DENND1B: variants seen among roughly 807,000 people sequenced by gnomAD.
DENND1B encodes the protein DENN domain containing 1B.
Under a neutral mutation model 90.1 loss-of-function variants are expected in DENND1B, and 59 were observed. That is an observed-to-expected ratio of 0.65 (90% CI 0.53 to 0.81). The LOEUF (loss-of-function observed/expected upper bound fraction) is 0.81. DENND1B is among the 40% of genes least tolerant of loss of function. The pLI is 0.00. For missense variants in DENND1B, 862 were observed against 912.6 expected, an observed-to-expected ratio of 0.94 and a Z score of 0.71; for synonymous variants, 337 against 324.6, an observed-to-expected ratio of 1.04 and a Z score of -0.41.
chr1:197,582,219 T>C (rs1000133391), intron 15 of DENND1B, among the ~76,000 whole-genome samples: 71 of 152,166 alleles, frequency 4.7e-4, no homozygotes, highest in Admixed American at 1.6e-3. Flanking sequence ...TTTTTTAAAA[T>C]TTCCTCAGAA....
intron 3 of DENND1B, among the ~76,000 whole-genome samples, chr1:197,682,051 C>A (rs575631643): frequency 6.6e-6 from 1 of 150,862 alleles, no homozygotes; most frequent in Non-Finnish European, 1.5e-5. Flanking sequence ...ATAGTAAATC[C>A]TGTGATAAAC....
At position 197,595,316 on chromosome 1, in the gene DENND1B, A is replaced by G; in HGVS notation, c.939T>C (p.Asn313=). The change falls in exon 14 of 23, where the codon AAT becomes AAC. Residue 313 remains asparagine, a synonymous_variant. Coordinates refer to ENST00000620048, the MANE Select transcript of DENND1B (RefSeq NM_001195215.2). ...LPSDVVSALK[N]KLKKQSTATG... ...TAGCTGTAGACTGCTTCTTCAGTTT[A>G]TTTTTCAAGGCCGAGACCTGCATGA... 1 of 1,612,848 alleles carries G rather than the reference A, an allele frequency of 6.2e-7. No homozygotes were observed. The highest frequency in any genetic ancestry group is 2.2e-5 in the East Asian group (1 of 44,834).
chr1:197,518,612 T>G (rs1668563483), intron 20 of DENND1B, among the ~76,000 whole-genome samples: 1 of 151,934 alleles, frequency 6.6e-6, no homozygotes. Context: ...GCAGAGACTA[T>G]ATAGGCTCAA....
intron 15 of DENND1B, among the ~76,000 whole-genome samples, chr1:197,565,250 T>G (rs1276600749): frequency 6.6e-6 from 1 of 151,988 alleles, no homozygotes; most frequent in East Asian, 1.9e-4. Context: ...AATCTGTAGC[T>G]AACATAAAAG....
At chr1:197,744,715 G>A (rs1158758825) in intron 2 of DENND1B, among the ~76,000 whole-genome samples, 1 of 152,194 alleles carries the variant, frequency 6.6e-6, no homozygotes, top group Non-Finnish European at 1.5e-5. Context: ...CCCATAACAA[G>A]AGTCAGCCTG....
At chr1:197,731,746 T>C (rs537075322) in intron 2 of DENND1B, among the ~76,000 whole-genome samples, 11 of 152,168 alleles carry the variant, frequency 7.2e-5, no homozygotes, top group Non-Finnish European at 1.3e-4. Context: ...TAAGAAAGTT[T>C]ATGAATTTTT....
rs1434162902 is a variant in DENND1B, at chr1:197,507,289, C to CA, written c.*3170dup. The CA allele has an allele frequency of 6.6e-6, 1 of 150,800 alleles. No homozygotes were observed. The highest frequency in any genetic ancestry group is 2.4e-5 in the African/African-American group (1 of 41,198). 9.3% of individuals were successfully genotyped at this position (150,800 alleles called of 1,614,324 possible). A position where few individuals can be genotyped will look rare whatever the true frequency, so the allele number is the denominator to read the frequency against. The stretch of plus-strand genomic sequence containing the variant: ...CCATATCCTCAGTTACTGTACCCTG[C>CA]ATATGACTGGTACAAAAAGTCAATG... On this transcript the variant is annotated 3_prime_UTR_variant, in exon 23 of 23. Coordinates refer to ENST00000620048, the MANE Select transcript of DENND1B (RefSeq NM_001195215.2).
chr1:197,657,460 T>TA (rs1653959630), intron 6 of DENND1B, among the ~76,000 whole-genome samples: 1 of 152,088 alleles, frequency 6.6e-6, no homozygotes, highest in Non-Finnish European at 1.5e-5. Flanking sequence ...AAAGAAGCTA[T>TA]AAAAATGGCA....
intron 4 of DENND1B, 36 bp from the exon 5 acceptor site, chr1:197,672,192 G>GT: frequency 5.2e-6 from 8 of 1,547,282 alleles, no homozygotes; most frequent in Non-Finnish European, 7.0e-6. Flanking sequence ...ATTGTGCCTT[G>GT]TTTGACAATT....
At chr1:197,639,260 C>T (rs751911920) in intron 10 of DENND1B, among the ~76,000 whole-genome samples, 3 of 151,918 alleles carry the variant, frequency 2.0e-5, no homozygotes, top group African/African-American at 4.8e-5. Flanking sequence ...GATGGGGTTT[C>T]GCTATGTTGG....
chr1:197,626,490 C>G (rs938271114), intron 10 of DENND1B, among the ~76,000 whole-genome samples: 5 of 152,230 alleles, frequency 3.3e-5, no homozygotes, highest in African/African-American at 4.8e-5. Flanking sequence ...AGAACAAAGA[C>G]ACAACATACC....
intron 2 of DENND1B, among the ~76,000 whole-genome samples, chr1:197,769,184 T>C (rs1434701569): frequency 6.6e-6 from 1 of 152,158 alleles, no homozygotes; most frequent in African/African-American, 2.4e-5. Context: ...CAACAAAAAA[T>C]TATATATTCT....
intron 2 of DENND1B, chr1:197,733,917 T>C (rs1397330472): frequency 4.0e-6 from 1 of 253,122 alleles, no homozygotes; most frequent in Non-Finnish European, 6.2e-6. Context: ...CCTTCCTCTA[T>C]ACGTGCTCTT....
At chr1:197,612,852 T>C (rs994291226) in intron 11 of DENND1B, among the ~76,000 whole-genome samples, 3 of 150,656 alleles carry the variant, frequency 2.0e-5, no homozygotes, top group Non-Finnish European at 4.5e-5. Flanking sequence ...AGAATAAGAA[T>C]TGCTGGTTAT....
At chr1:197,687,115 A>G (rs1657327732) in intron 3 of DENND1B, among the ~76,000 whole-genome samples, 1 of 152,252 alleles carries the variant, frequency 6.6e-6, no homozygotes, top group East Asian at 1.9e-4. Flanking sequence ...TAGTATAAAT[A>G]GTTGAGAACA....
intron 20 of DENND1B, among the ~76,000 whole-genome samples, chr1:197,515,512 T>C (rs1250322290): frequency 1.3e-5 from 2 of 151,810 alleles, no homozygotes; most frequent in Non-Finnish European, 2.9e-5. Context: ...CTTGGCTTTA[T>C]ACCAGCTAGC....
At chr1:197,657,780 GC>G (rs1208239152) in intron 6 of DENND1B, among the ~76,000 whole-genome samples, 1 of 152,024 alleles carries the variant, frequency 6.6e-6, no homozygotes, top group East Asian at 1.9e-4. Context: ...GAACCCAAGG[GC>G]TGGAACATTA....
At chr1:197,601,454 A>C (rs542759758) in intron 13 of DENND1B, among the ~76,000 whole-genome samples, 2 of 151,794 alleles carry the variant, frequency 1.3e-5, no homozygotes, top group East Asian at 3.9e-4. Flanking sequence ...ATATGGAAAA[A>C]TCAAGAATTT....
intron 22 of DENND1B, 146 bp downstream of exon 22, chr1:197,511,582 T>C (rs1037643686): frequency 1.7e-5 from 8 of 457,222 alleles, no homozygotes. Flanking sequence ...TTTCTAGTGA[T>C]TAAATTTTAT....
Sources: gnomAD v4.1 joint callset for allele counts (sites outside exome capture counted in the v4.1 genomes callset) on GRCh38, gnomAD v4.1.1 for gene constraint, MANE v1.5 for transcripts, NCBI Gene and HGNC (gene_info 2026-07-23, HGNC 2026-07-21) for gene names.